The following KCTD8 variants were observed in gnomAD, a reference collection of about 807,000 sequenced individuals.
KCTD8 encodes the protein BTB/POZ domain-containing protein KCTD8.
KCTD8 carries 27 observed loss-of-function variants against 31.5 expected under a neutral mutation model. The observed-to-expected ratio is 0.86, with a 90% confidence interval of 0.63 to 1.18. KCTD8 has a LOEUF of 1.18. Among genes scored for constraint, KCTD8 ranks in the 50% most tolerant of loss-of-function variants. The pLI, the probability that KCTD8 is intolerant of heterozygous loss-of-function variation, is 0.00. For missense variants in KCTD8, 658 were observed against 647.7 expected, an observed-to-expected ratio of 1.02 and a Z score of -0.17; for synonymous variants, 290 against 280.0, an observed-to-expected ratio of 1.04 and a Z score of -0.36.
chr4:44,304,057 C>G (rs575125219), intron 1 of KCTD8, among the ~76,000 whole-genome samples: 4 of 152,244 alleles, frequency 2.6e-5, no homozygotes, highest in East Asian at 3.9e-4. Flanking sequence ...CATCCAGACT[C>G]TAACATCACC....
intron 1 of KCTD8, among the ~76,000 whole-genome samples, chr4:44,193,535 T>C (rs760319802): frequency 8.5e-5 from 13 of 152,166 alleles, no homozygotes; most frequent in Non-Finnish European, 1.5e-4. Context: ...CTAAGATGCA[T>C]ATCTGAACAT....
At chr4:44,418,143 A>T (rs1721121156) in intron 1 of KCTD8, among the ~76,000 whole-genome samples, 1 of 152,150 alleles carries the variant, frequency 6.6e-6, no homozygotes, top group South Asian at 2.1e-4. Context: ...GCAATGGAGA[A>T]AATTGGGAGA....
chr4:44,403,524 GT>G, intron 1 of KCTD8, among the ~76,000 whole-genome samples: 1 of 151,700 alleles, frequency 6.6e-6, no homozygotes, highest in South Asian at 2.1e-4. Flanking sequence ...ATGTCAGGAG[GT>G]TTGGCTGCTC....
At chr4:44,319,876 G>A (rs1048776237) in intron 1 of KCTD8, among the ~76,000 whole-genome samples, 1 of 151,898 alleles carries the variant, frequency 6.6e-6, no homozygotes, top group Non-Finnish European at 1.5e-5. Context: ...AGCCATTATA[G>A]AACTGAGATT....
intron 1 of KCTD8, among the ~76,000 whole-genome samples, chr4:44,188,324 T>C (rs1168759077): frequency 4.6e-5 from 7 of 152,216 alleles, no homozygotes; most frequent in Admixed American, 6.5e-5. Context: ...CAGGGTTTAA[T>C]TTCATTTCAT....
At chr4:44,196,772 C>T (rs1468856476) in intron 1 of KCTD8, among the ~76,000 whole-genome samples, 1 of 152,160 alleles carries the variant, frequency 6.6e-6, no homozygotes, top group Non-Finnish European at 1.5e-5. Flanking sequence ...AGAGAACCCC[C>T]TCCTTTCCTG....
At chr4:44,186,696 C>G (rs1356862275) in intron 1 of KCTD8, among the ~76,000 whole-genome samples, 6 of 152,206 alleles carry the variant, frequency 3.9e-5, no homozygotes, top group African/African-American at 1.4e-4. Context: ...AAGTGAGTCA[C>G]CCCCGCATCA....
chr4:44,403,713 AG>A (rs1292090326), intron 1 of KCTD8, among the ~76,000 whole-genome samples: 2 of 152,128 alleles, frequency 1.3e-5, no homozygotes, highest in Non-Finnish European at 2.9e-5. Context: ...TATCTCTTAA[AG>A]GTCCCATCTC....
At chr4:44,308,461 T>G (rs10805125) in intron 1 of KCTD8, among the ~76,000 whole-genome samples, 1 of 151,842 alleles carries the variant, frequency 6.6e-6, no homozygotes, top group Non-Finnish European at 1.5e-5. Flanking sequence ...AACAGTCACA[T>G]GTAAATAGGA....
chr4:44,358,901 T>C (rs918577540), intron 1 of KCTD8, among the ~76,000 whole-genome samples: 2 of 152,218 alleles, frequency 1.3e-5, no homozygotes, highest in African/African-American at 4.8e-5. Flanking sequence ...GTGGTTTTGA[T>C]TTGCATTTCT....
chr4:44,245,085 C>A (rs562559772), intron 1 of KCTD8, among the ~76,000 whole-genome samples: 20 of 152,200 alleles, frequency 1.3e-4, no homozygotes, highest in Admixed American at 8.5e-4. Context: ...TTTCCTCTAG[C>A]AATTCTCTAA....
intron 1 of KCTD8, among the ~76,000 whole-genome samples, chr4:44,329,868 A>G (rs1718549745): frequency 6.6e-6 from 1 of 151,944 alleles, no homozygotes; most frequent in Non-Finnish European, 1.5e-5. Context: ...TTTGATCCCT[A>G]GATTTTAGCT....
chr4:44,293,754 T>A, intron 1 of KCTD8: 1 of 443,216 alleles, frequency 2.3e-6, no homozygotes, highest in Non-Finnish European at 4.5e-6. Context: ...GTTGAAAATA[T>A]TGAAACATAG....
chr4:44,317,643 T>C (rs1718175822), intron 1 of KCTD8, among the ~76,000 whole-genome samples: 1 of 152,174 alleles, frequency 6.6e-6, no homozygotes, highest in Non-Finnish European at 1.5e-5. Flanking sequence ...TAGTGTTCCA[T>C]TAGTGGAGTG....
At chr4:44,349,186 C>T (rs182237711) in intron 1 of KCTD8, among the ~76,000 whole-genome samples, 10 of 150,690 alleles carry the variant, frequency 6.6e-5, no homozygotes, top group Admixed American at 2.0e-4. Context: ...CTAGGATAAA[C>T]ATTTTGAGAT....
intron 1 of KCTD8, among the ~76,000 whole-genome samples, chr4:44,278,741 C>T (rs1178873667): frequency 6.6e-6 from 1 of 151,910 alleles, no homozygotes; most frequent in Non-Finnish European, 1.5e-5. Context: ...ACAGCCAGGC[C>T]CATACCTCAT....
rs78764908 is a variant in KCTD8 at position 44,294,291 on chromosome 4, A to G, written c.962-119041T>C. 3.7e-4 allele frequency among the ~76,000 whole-genome samples: 56 copies of G among 152,286 alleles called. No homozygotes were observed. The East Asian group carries it at 0.01, about 28-fold the overall frequency. On this transcript the variant is annotated intron_variant, in intron 1 of 1. Transcript: ENST00000360029. ...CCAGTCTGACACTTAGAAACGTAAAAGATTTTGTTAAGACTCCTTTGCCCG... is the reference window on the plus strand; with the variant it reads ...CCAGTCTGACACTTAGAAACGTAAAGGATTTTGTTAAGACTCCTTTGCCCG...
At chr4:44,326,180 CT>C (rs1397150552) in intron 1 of KCTD8, among the ~76,000 whole-genome samples, 9 of 151,768 alleles carry the variant, frequency 5.9e-5, no homozygotes, top group African/African-American at 1.9e-4. Flanking sequence ...TTAAAAGCAT[CT>C]TCCATGTTCA....
chr4:44,417,776 T>A (rs1447972250), intron 1 of KCTD8, among the ~76,000 whole-genome samples: 1 of 152,150 alleles, frequency 6.6e-6, no homozygotes, highest in Non-Finnish European at 1.5e-5. Flanking sequence ...AAGACCTGTG[T>A]GCCATTTTCC....
Sources: allele counts gnomAD v4.1 joint callset (sites outside exome capture counted in the v4.1 genomes callset), GRCh38; gene constraint gnomAD v4.1.1; transcripts MANE v1.5; gene names NCBI Gene and HGNC (gene_info 2026-07-23, HGNC 2026-07-21).